GSK3B: variants seen among roughly 807,000 people sequenced by gnomAD.
GSK3B encodes the protein glycogen synthase kinase-3 beta.
GSK3B carries 15 observed loss-of-function variants against 56.4 expected under a neutral mutation model. The ratio of observed to expected loss-of-function variants is 0.27; its 90% CI spans 0.18 to 0.41. The LOEUF is 0.41. GSK3B is among the 10% of genes least tolerant of loss of function. GSK3B has a pLI of 1.00. For synonymous variants in GSK3B, 181 were observed against 188.9 expected (o/e 0.96, Z 0.34); for missense variants, 300 against 513.4 (o/e 0.58, Z 4.02).
intron 10 of GSK3B, among the ~76,000 whole-genome samples, chr3:119,829,880 A>T (rs1196430693): frequency 1.3e-5 from 2 of 152,228 alleles, no homozygotes; most frequent in African/African-American, 2.4e-5. Flanking sequence ...AATGAACATA[A>T]TTTTAACGCT....
At chr3:119,902,650 G>A (rs2056636230) in intron 7 of GSK3B, among the ~76,000 whole-genome samples, 1 of 152,106 alleles carries the variant, frequency 6.6e-6, no homozygotes, top group Admixed American at 6.6e-5. Context: ...GCGCACCTCG[G>A]CCTCCCAAAG....
intron 3 of GSK3B, among the ~76,000 whole-genome samples, chr3:119,941,464 C>T (rs575026471): frequency 3.3e-4 from 50 of 152,200 alleles, no homozygotes; most frequent in Admixed American, 2.7e-3. Flanking sequence ...TGGAGTCAGA[C>T]TACTTGGAGC....
intron 2 of GSK3B, among the ~76,000 whole-genome samples, chr3:119,981,855 G>A (rs184128796): frequency 2.8e-4 from 43 of 152,322 alleles, no homozygotes; most frequent in Middle Eastern, 6.8e-3. Flanking sequence ...CTCCCAGCAC[G>A]GCATTTGAGC....
chr3:119,913,089 G>T (rs1386779934), intron 5 of GSK3B, among the ~76,000 whole-genome samples: 1 of 152,086 alleles, frequency 6.6e-6, no homozygotes, highest in African/African-American at 2.4e-5. Flanking sequence ...AATTTCTTCT[G>T]ATCCTCTGTT....
At chr3:120,083,333 C>T (rs984303852) in intron 1 of GSK3B, among the ~76,000 whole-genome samples, 1 of 151,958 alleles carries the variant, frequency 6.6e-6, no homozygotes, top group African/African-American at 2.4e-5. Context: ...GACAGCTGTA[C>T]AACGGGGCCT....
intron 1 of GSK3B, among the ~76,000 whole-genome samples, chr3:120,045,694 G>C (rs2058097319): frequency 6.6e-6 from 1 of 152,122 alleles, no homozygotes; most frequent in Admixed American, 6.5e-5. Context: ...AAACTGCCTT[G>C]CTAAGAAAAC....
At chr3:119,877,454 G>A (rs1480801460) in intron 7 of GSK3B, among the ~76,000 whole-genome samples, 1 of 151,986 alleles carries the variant, frequency 6.6e-6, no homozygotes, top group East Asian at 1.9e-4. Flanking sequence ...TTTTTAAGTT[G>A]TATATTATTC....
At chr3:120,070,661 T>G (rs1487471597) in intron 1 of GSK3B, among the ~76,000 whole-genome samples, 1 of 152,234 alleles carries the variant, frequency 6.6e-6, no homozygotes, top group African/African-American at 2.4e-5. Context: ...GTTCATCTAT[T>G]AATATACAAA....
chr3:120,057,853 C>T (rs2058203707), intron 1 of GSK3B, among the ~76,000 whole-genome samples: 1 of 152,026 alleles, frequency 6.6e-6, no homozygotes, highest in Admixed American at 6.6e-5. Context: ...CAATCATTAA[C>T]CCATTAAATA....
At chr3:120,038,943 C>G (rs141721978) in intron 1 of GSK3B, among the ~76,000 whole-genome samples, 2 of 151,424 alleles carry the variant, frequency 1.3e-5, no homozygotes, top group African/African-American at 4.9e-5. Context: ...TTGCAATACA[C>G]ATATCTGATA....
intron 1 of GSK3B, among the ~76,000 whole-genome samples, chr3:120,002,613 C>T (rs191120223): frequency 1.2e-3 from 190 of 152,330 alleles, no homozygotes; most frequent in Non-Finnish European, 1.9e-3. Flanking sequence ...GCTGGGATTA[C>T]AGGCATCAGC....
rs181882889 is a variant in GSK3B at position 120,019,056 on chromosome 3, A to C, written c.89-16817T>G. On this transcript the variant is annotated intron_variant, in intron 1 of 10. Coordinates refer to ENST00000264235, the MANE Select transcript of GSK3B (RefSeq NM_001146156.2). ...TCTAATCAATAAACAAACAAAAAAA[A>C]GGAATGTAAAAACCAAATCTCTCTC... 2.8e-3 allele frequency among the ~76,000 whole-genome samples: 432 copies of C among 152,354 alleles called. 2 individuals carry two copies. The highest frequency in any genetic ancestry group is 9.5e-3 in the African/African-American group (395 of 41,586).
intron 3 of GSK3B, among the ~76,000 whole-genome samples, chr3:119,943,576 A>G (rs1198503964): frequency 6.6e-6 from 1 of 152,166 alleles, no homozygotes; most frequent in Non-Finnish European, 1.5e-5. Flanking sequence ...AGGGAGTAAT[A>G]GAGGCCCAGA....
intron 1 of GSK3B, among the ~76,000 whole-genome samples, chr3:120,059,933 C>G (rs916933015): frequency 6.6e-6 from 1 of 152,144 alleles, no homozygotes; most frequent in Non-Finnish European, 1.5e-5. Context: ...AATAGAACAT[C>G]TAATCATTCC....
intron 5 of GSK3B, among the ~76,000 whole-genome samples, chr3:119,914,369 C>A (rs757724362): frequency 2.0e-5 from 3 of 152,084 alleles, no homozygotes; most frequent in Non-Finnish European, 2.9e-5. Context: ...CGAAATCCCT[C>A]TTCCAAATTT....
intron 2 of GSK3B, among the ~76,000 whole-genome samples, chr3:119,969,923 T>C (rs1286194849): frequency 6.6e-6 from 1 of 152,186 alleles, no homozygotes; most frequent in Non-Finnish European, 1.5e-5. Flanking sequence ...TCCCAGTCCC[T>C]CCTACCAGGT....
chr3:119,963,625 C>CAAAAAAAAAAAAAAAAAA (rs774359104), intron 2 of GSK3B, among the ~76,000 whole-genome samples: 15 of 79,170 alleles, frequency 1.9e-4, no homozygotes, highest in African/African-American at 3.9e-4. Context: ...TTCTTCCCCA[C>CAAAAAAAAAAAAAAAAAA]AAAAAAAAAA....
chr3:119,968,749 A>C (rs1027936304), intron 2 of GSK3B, among the ~76,000 whole-genome samples: 12 of 152,206 alleles, frequency 7.9e-5, no homozygotes, highest in Non-Finnish European at 2.9e-5. Flanking sequence ...ACAGATTGGT[A>C]CAGAAAAAAT....
intron 2 of GSK3B, among the ~76,000 whole-genome samples, chr3:119,970,494 G>A (rs898124597): frequency 2.6e-5 from 4 of 152,000 alleles, no homozygotes; most frequent in Middle Eastern, 3.4e-3. Flanking sequence ...ACGATCAGCC[G>A]GGCGCGGTGG....
Sources: gnomAD v4.1 joint callset for allele counts (sites outside exome capture counted in the v4.1 genomes callset) on GRCh38, gnomAD v4.1.1 for gene constraint, MANE v1.5 for transcripts, NCBI Gene and HGNC (gene_info 2026-07-23, HGNC 2026-07-21) for gene names.